The following IL1RAPL2 variants were observed in gnomAD, a reference collection of about 807,000 sequenced individuals.
IL1RAPL2 encodes the protein X-linked interleukin-1 receptor accessory protein-like 2.
In IL1RAPL2, 3 loss-of-function variants were observed where a neutral mutation model predicts 44.1. That is an observed-to-expected ratio of 0.07 (90% CI 0.03 to 0.18). The LOEUF is 0.18. IL1RAPL2 is among the 10% of genes least tolerant of loss of function. The probability of loss-of-function intolerance (pLI) is 1.00; values close to 1 mark genes in which losing one functional copy is unlikely to be tolerated. For missense variants in IL1RAPL2, 391 were observed against 496.4 expected, an observed-to-expected ratio of 0.79 and a Z score of 2.02; for synonymous variants, 181 against 178.8, an observed-to-expected ratio of 1.01 and a Z score of -0.10.
At chrX:105,211,587 A>G (rs1422193379) in intron 3 of IL1RAPL2, among the ~76,000 whole-genome samples, 1 of 109,822 alleles carries the variant, frequency 9.1e-6, no homozygotes, top group African/African-American at 3.3e-5. Flanking sequence ...CCCTGATGCA[A>G]CTCCCCAGCT....
chrX:105,024,937 TG>T (rs2031342195), intron 2 of IL1RAPL2, among the ~76,000 whole-genome samples: 1 of 110,319 alleles, frequency 9.1e-6, no homozygotes. Context: ...TTTTTTTTTT[TG>T]GATAGAAATA....
intron 2 of IL1RAPL2, among the ~76,000 whole-genome samples, chrX:104,695,001 A>G (rs1292192049): frequency 2.7e-5 from 3 of 112,312 alleles, no homozygotes; most frequent in Non-Finnish European, 5.6e-5. Flanking sequence ...GATAATGTCC[A>G]GCCTCAGCTG....
intron 2 of IL1RAPL2, among the ~76,000 whole-genome samples, chrX:104,686,515 G>A (rs1291979666): frequency 1.8e-5 from 2 of 111,865 alleles, no homozygotes; most frequent in Non-Finnish European, 3.8e-5. Flanking sequence ...GAAATTGTTT[G>A]TTTGCCCTGA....
intron 1 of IL1RAPL2, among the ~76,000 whole-genome samples, chrX:104,610,317 A>G (rs758122160): frequency 1.8e-5 from 2 of 110,912 alleles, no homozygotes; most frequent in East Asian, 5.7e-4. Context: ...AAGGGTATTC[A>G]ATTAGGAGAA....
Position 104,633,719 on chromosome X carries a change from G to T in IL1RAPL2, c.-19-25176G>T, listed in dbSNP as rs772224317. Reference sequence around the variant, plus strand: ...TTATCATTTTTTATTGCGTCTATTTGATTCTTCTCTCTTTTCTTCTTTATT... The same window carrying T: ...TTATCATTTTTTATTGCGTCTATTTTATTCTTCTCTCTTTTCTTCTTTATT... On this transcript the variant is annotated intron_variant, in intron 1 of 10. Transcript: ENST00000372582. 2.3e-4 allele frequency among the ~76,000 whole-genome samples: 26 copies of T among 111,130 alleles called. No individual in the cohort carries two copies. In the Middle Eastern group the frequency reaches 0.014, roughly 59 times the overall value.
intron 5 of IL1RAPL2, among the ~76,000 whole-genome samples, chrX:105,339,544 G>A (rs1307380203): frequency 9.0e-6 from 1 of 111,439 alleles, no homozygotes; most frequent in East Asian, 2.8e-4. Flanking sequence ...TTAAAATGAA[G>A]GATCAATTTT....
At chrX:104,713,355 C>A (rs1931494908) in intron 2 of IL1RAPL2, among the ~76,000 whole-genome samples, 1 of 110,721 alleles carries the variant, frequency 9.0e-6, no homozygotes, top group Admixed American at 9.7e-5. Context: ...AATTTGTGAT[C>A]AGCTTCCCTA....
chrX:104,856,363 T>G (rs973054), intron 2 of IL1RAPL2, among the ~76,000 whole-genome samples: 37,806 of 111,094 alleles, frequency 0.34, 5,560 homozygotes, highest in East Asian at 0.46. Flanking sequence ...GTATCAGATA[T>G]GTCAGCAAGA....
intron 2 of IL1RAPL2, among the ~76,000 whole-genome samples, chrX:104,867,344 G>A (rs773696147): frequency 9.0e-6 from 1 of 110,995 alleles, no homozygotes; most frequent in East Asian, 2.8e-4. Context: ...TAGATACGAT[G>A]CAAGCTATGT....
rs185075341 is a variant in IL1RAPL2, at chrX:104,862,882, T to C, written c.82+203887T>C. On this transcript the variant is annotated intron_variant, in intron 2 of 10. Coordinates refer to ENST00000372582, the MANE Select transcript of IL1RAPL2 (RefSeq NM_017416.2). ...TAATGAAGAGACAAGTTCAGATGTA[T>C]GTTAGGAAGATTATTCTAGGAGCAT... 4.7e-3 allele frequency among the ~76,000 whole-genome samples: 529 copies of C among 111,492 alleles called. 3 individuals are homozygous for C. The highest frequency in any genetic ancestry group is 0.016 in the African/African-American group (501 of 30,701).
intron 2 of IL1RAPL2, among the ~76,000 whole-genome samples, chrX:104,913,212 C>T (rs954029587): frequency 2.7e-5 from 3 of 111,300 alleles, no homozygotes; most frequent in African/African-American, 6.5e-5. Flanking sequence ...CTGTTACCAT[C>T]GACCACAGGA....
intron 2 of IL1RAPL2, among the ~76,000 whole-genome samples, chrX:104,805,630 T>C (rs990241465): frequency 2.7e-5 from 3 of 112,143 alleles, no homozygotes; most frequent in Admixed American, 9.5e-5. Flanking sequence ...CTAAAGTTCT[T>C]ATAGCACTGA....
At chrX:105,328,909 G>A (rs2034963085) in intron 5 of IL1RAPL2, among the ~76,000 whole-genome samples, 2 of 112,003 alleles carry the variant, frequency 1.8e-5, no homozygotes, top group Non-Finnish European at 3.8e-5. Flanking sequence ...GTCTAGGTTT[G>A]TGTAAGTACA....
intron 6 of IL1RAPL2, among the ~76,000 whole-genome samples, chrX:105,557,198 C>G (rs2036902333): frequency 8.9e-6 from 1 of 111,824 alleles, no homozygotes; most frequent in East Asian, 2.8e-4. Flanking sequence ...TCCCTCTGTT[C>G]ACAATCCCCC....
intron 2 of IL1RAPL2, among the ~76,000 whole-genome samples, chrX:104,753,696 T>C (rs1932300103): frequency 9.0e-6 from 1 of 111,714 alleles, no homozygotes; most frequent in African/African-American, 3.2e-5. Flanking sequence ...AATACGACTG[T>C]ATGTACTGTG....
rs1736165990 is a variant in IL1RAPL2 at position 105,618,114 on chromosome X, C to CT, written c.773-99252dup. On this transcript the variant is annotated intron_variant, in intron 6 of 10. Transcript: ENST00000372582. Reference sequence around the variant, plus strand: ...ATACTCGCTCTCTGTATCTCTCTCTCTCTCACTCACACACACACACACACA... The same window carrying CT: ...ATACTCGCTCTCTGTATCTCTCTCTCTTCTCACTCACACACACACACACACA... Among the ~76,000 whole-genome samples, 4 of 106,544 alleles carry CT rather than the reference C, an allele frequency of 3.8e-5. No homozygotes were observed. In the South Asian group the frequency reaches 1.6e-3, roughly 43 times the overall value. 92.5% of individuals were successfully genotyped at this position (106,544 alleles called of 115,157 possible).
chrX:104,840,402 A>C (rs1040293431), intron 2 of IL1RAPL2, among the ~76,000 whole-genome samples: 1 of 111,641 alleles, frequency 9.0e-6, no homozygotes, highest in Non-Finnish European at 1.9e-5. Flanking sequence ...CCTGTGTTCT[A>C]ATTTGATTGC....
At chrX:104,708,551 C>T (rs981649353) in intron 2 of IL1RAPL2, among the ~76,000 whole-genome samples, 3 of 110,886 alleles carry the variant, frequency 2.7e-5, no homozygotes, top group Non-Finnish European at 5.7e-5. Context: ...CTAATTTATA[C>T]TTATCTGATT....
At chrX:105,209,679 A>G (rs1264990515) in intron 3 of IL1RAPL2, among the ~76,000 whole-genome samples, 2 of 112,195 alleles carry the variant, frequency 1.8e-5, no homozygotes, top group Non-Finnish European at 3.8e-5. Flanking sequence ...ATGGAAGTAG[A>G]ATTAATTTTT....
Sources: gnomAD v4.1 joint callset for allele counts (sites outside exome capture counted in the v4.1 genomes callset) on GRCh38, gnomAD v4.1.1 for gene constraint, MANE v1.5 for transcripts, NCBI Gene and HGNC (gene_info 2026-07-23, HGNC 2026-07-21) for gene names.